Variants in TUT4 observed in about 807,000 individuals in gnomAD.
TUT4 encodes the protein terminal uridylyltransferase 4.
TUT4 carries 36 observed loss-of-function variants against 192.2 expected under a neutral mutation model. That is an observed-to-expected ratio of 0.19 (90% confidence interval 0.14 to 0.25). The LOEUF is 0.25. Ranked by LOEUF, TUT4 falls within the 10% of genes least tolerant of loss-of-function variation. The probability of loss-of-function intolerance (pLI) is 1.00; values close to 1 mark genes in which losing one functional copy is unlikely to be tolerated. For synonymous variants in TUT4, 618 were observed against 666.0 expected (o/e 0.93, Z 1.11); for missense variants, 1,493 against 1,957.2 (o/e 0.76, Z 4.47).
intron 2 of TUT4, 52 bp from the exon 3 acceptor site, chr1:52,516,106 A>T (rs1678646076): frequency 2.1e-6 from 3 of 1,413,144 alleles, no homozygotes; most frequent in African/African-American, 1.4e-5. Flanking sequence ...AAATTTTTAA[A>T]TTTTTTAATG....
chr1:52,531,267 C>A (rs1683319223), intron 1 of TUT4, among the ~76,000 whole-genome samples: 1 of 151,288 alleles, frequency 6.6e-6, no homozygotes. Flanking sequence ...CCTGTGTCAC[C>A]CAGGCTGGGG....
intron 1 of TUT4, among the ~76,000 whole-genome samples, chr1:52,551,708 A>G (rs1689496433): frequency 6.6e-6 from 1 of 152,180 alleles, no homozygotes; most frequent in African/African-American, 2.4e-5. Context: ...ATACACACAC[A>G]CACACAAAGT....
intron 16 of TUT4, chr1:52,463,378 G>T: frequency 1.0e-6 from 1 of 995,802 alleles, no homozygotes; most frequent in South Asian, 4.4e-5. Context: ...CAACTTTTCA[G>T]TTTCTTTATA....
At chr1:52,543,794 T>C (rs1358217130) in intron 1 of TUT4, among the ~76,000 whole-genome samples, 1 of 151,996 alleles carries the variant, frequency 6.6e-6, no homozygotes, top group Non-Finnish European at 1.5e-5. Context: ...TTACTGTTGT[T>C]AAAATGTCCA....
At position 52,526,190 on chromosome 1, in the gene TUT4, T is replaced by C; in HGVS notation, c.91A>G (p.Asn31Asp). The C allele has an allele frequency of 6.2e-7, 1 of 1,610,218 alleles. No individual in the cohort carries two copies. The highest frequency in any genetic ancestry group is 8.5e-7 in the Non-Finnish European group (1 of 1,179,478). ...EESKAVQVIG[N>D]QTLKARNDKS... ...TCATTTCTAGCTTTCAATGTTTGAT[T>C]ACCTATAACTTGAACTGCTTTGCTT... The change falls in exon 2 of 30, where the codon AAT (asparagine) becomes GAT (aspartate). Residue 31 changes from asparagine to aspartate, a missense_variant. Around this residue, in one of 7 missense-constraint regions of TUT4, gnomAD observed 260 missense variants for 247.8 expected, o/e 1.05. Coordinates refer to ENST00000257177, the MANE Select transcript of TUT4 (RefSeq NM_001009881.3).
chr1:52,424,310 A>C lies in TUT4; in HGVS notation c.4871-308T>G, dbSNP rs1649069977. The C allele has an allele frequency of 1.2e-5, 4 of 335,262 alleles. No individual in the cohort carries two copies. In the East Asian group the frequency reaches 2.6e-4, roughly 22 times the overall value. The allele number at this position is 335,262 out of a possible 1,614,324, so 20.8% of individuals were successfully genotyped here. On this transcript the variant is annotated intron_variant, in intron 29 of 29. Transcript: ENST00000257177. ...ACTAATAGTAACTTCCTTCAGCCCC[A>C]GTTCTTTGCTCAAGAGAAGAGCTCA...
At chr1:52,430,722 G>C (rs1651796880) in intron 28 of TUT4, among the ~76,000 whole-genome samples, 1 of 152,206 alleles carries the variant, frequency 6.6e-6, no homozygotes, top group African/African-American at 2.4e-5. Flanking sequence ...TAACATTTAT[G>C]TGTGTTACAC....
At chr1:52,502,770 G>A (rs765299092) in intron 4 of TUT4, among the ~76,000 whole-genome samples, 9 of 151,834 alleles carry the variant, frequency 5.9e-5, no homozygotes, top group Non-Finnish European at 1.3e-4. Context: ...CCACAGGCAC[G>A]TGCCACCACG....
chr1:52,508,600 G>A (rs759038614), intron 4 of TUT4, among the ~76,000 whole-genome samples: 5 of 152,106 alleles, frequency 3.3e-5, no homozygotes, highest in African/African-American at 4.8e-5. Context: ...GGAAGAGAAG[G>A]TAGACAGCCA....
At chr1:52,526,957 G>A (rs1027532623) in intron 1 of TUT4, among the ~76,000 whole-genome samples, 2 of 152,194 alleles carry the variant, frequency 1.3e-5, no homozygotes, top group African/African-American at 4.8e-5. Flanking sequence ...CCGGGAGGCA[G>A]AGGTTGCAGT....
At chr1:52,538,451 C>G (rs1685562567) in intron 1 of TUT4, 1 of 151,492 alleles carries the variant, frequency 6.6e-6, no homozygotes, top group African/African-American at 2.4e-5. Context: ...CCGCTTGAGT[C>G]CAGGAGTTTT....
intron 24 of TUT4, among the ~76,000 whole-genome samples, chr1:52,440,225 A>G (rs562024222): frequency 1.3e-5 from 2 of 152,310 alleles, no homozygotes; most frequent in South Asian, 4.1e-4. Context: ...CTGTATATAT[A>G]TTAAAAACCA....
chr1:52,545,914 G>A (rs1687948655), intron 1 of TUT4, among the ~76,000 whole-genome samples: 1 of 147,824 alleles, frequency 6.8e-6, no homozygotes, highest in African/African-American at 2.5e-5. Flanking sequence ...TTGAGCTCAG[G>A]AGTTTGAGAC....
chr1:52,541,790 A>G (rs1284558808), intron 1 of TUT4, among the ~76,000 whole-genome samples: 1 of 152,236 alleles, frequency 6.6e-6, no homozygotes, highest in Non-Finnish European at 1.5e-5. Flanking sequence ...GAAAATGAAA[A>G]AACAGTATGA....
intron 11 of TUT4, among the ~76,000 whole-genome samples, chr1:52,480,206 C>A (rs1668163371): frequency 6.6e-6 from 1 of 151,972 alleles, no homozygotes; most frequent in Non-Finnish European, 1.5e-5. Flanking sequence ...GGATCGTGAA[C>A]TACAGCACTT....
At chr1:52,548,279 TGTTA>T (rs60029849) in intron 1 of TUT4, among the ~76,000 whole-genome samples, 5,008 of 152,226 alleles carry the variant, frequency 0.033, 197 homozygotes, top group African/African-American at 0.097. Context: ...TAAACTATAG[TGTTA>T]GTTAAATATT....
intron 9 of TUT4, among the ~76,000 whole-genome samples, chr1:52,484,026 CCTTGCCT>C (rs1014592100): frequency 6.6e-6 from 1 of 151,792 alleles, no homozygotes; most frequent in Non-Finnish European, 1.5e-5. Context: ...GGTGCAAAGG[CCTTGCCT>C]CTTGAAAAAG....
At chr1:52,551,243 A>C (rs1377929918) in intron 1 of TUT4, among the ~76,000 whole-genome samples, 1 of 152,166 alleles carries the variant, frequency 6.6e-6, no homozygotes, top group African/African-American at 2.4e-5. Flanking sequence ...AAATACTTTA[A>C]ATTTCTTTTC....
intron 11 of TUT4, 112 bp from the exon 12 acceptor site, chr1:52,477,994 G>A: frequency 9.6e-7 from 1 of 1,037,482 alleles, no homozygotes; most frequent in Non-Finnish European, 1.4e-6. Context: ...AGACATGAAG[G>A]AGTAATTTGC....
Sources: gnomAD v4.1 joint callset for allele counts (sites outside exome capture counted in the v4.1 genomes callset) on GRCh38, gnomAD v4.1.1 for gene constraint, gnomAD v4.1.1 regional missense constraint, MANE v1.5 for transcripts, NCBI Gene and HGNC (gene_info 2026-07-23, HGNC 2026-07-21) for gene names.